The following DCTN5 variants were observed in gnomAD, a reference collection of about 807,000 sequenced individuals.
DCTN5 encodes the protein dynactin subunit 5.
A neutral mutation model predicts 23.5 loss-of-function variants in DCTN5; 14 were observed. The observed-to-expected ratio is 0.60, with a 90% confidence interval of 0.39 to 0.93. The LOEUF (loss-of-function observed/expected upper bound fraction) is 0.93, where lower values mean the gene tolerates loss of function less well. DCTN5 is among the 40% of genes least tolerant of loss of function. The pLI is 0.00. For synonymous variants in DCTN5, 67 were observed against 79.6 expected (o/e 0.84, Z 0.84); for missense variants, 156 against 225.9 (o/e 0.69, Z 1.98).
chr16:23,667,226 G>C lies in DCTN5; in HGVS notation c.*82G>C, dbSNP rs190467369. 5 of 1,557,692 alleles carry C rather than the reference G, an allele frequency of 3.2e-6. No homozygotes were observed. Among genetic ancestry groups the C allele is most frequent in the Non-Finnish European group, 4.4e-6 (5 of 1,140,596 alleles). On this transcript the variant is annotated 3_prime_UTR_variant, in exon 6 of 6. Coordinates refer to ENST00000300087, the MANE Select transcript of DCTN5 (RefSeq NM_032486.4). ...GTGAGCCAGTCAGCACCTACAAAGA[G>C]CTTTTGTGTCTTTGACATCTACCAC...
At chr16:23,653,434 A>G (rs1387438030) in intron 2 of DCTN5, among the ~76,000 whole-genome samples, 1 of 152,204 alleles carries the variant, frequency 6.6e-6, no homozygotes, top group African/African-American at 2.4e-5. Context: ...CAAACCTTCT[A>G]AAAACAAGCA....
intron 2 of DCTN5, among the ~76,000 whole-genome samples, chr16:23,658,049 G>A (rs1486844316): frequency 6.6e-6 from 1 of 152,200 alleles, no homozygotes. Flanking sequence ...GAGTTCAGAG[G>A]TTGGGAGATG....
chr16:23,643,390 A>G (rs546015081), intron 2 of DCTN5, among the ~76,000 whole-genome samples: 5 of 151,790 alleles, frequency 3.3e-5, no homozygotes, highest in Non-Finnish European at 4.4e-5. Context: ...ACAGGGTTTC[A>G]TCATGTTGGC....
intron 3 of DCTN5, 72 bp from the exon 4 acceptor site, chr16:23,661,098 G>C: frequency 1.0e-6 from 1 of 993,692 alleles, no homozygotes; most frequent in Non-Finnish European, 1.6e-6. Context: ...ATTATGATCT[G>C]TAGTTCTATA....
At position 23,661,259 on chromosome 16, in the gene DCTN5, A is replaced by C. The variant is rs1269854883; in HGVS notation, c.326A>C (p.His109Pro). 1 of 1,612,154 alleles carries C rather than the reference A, an allele frequency of 6.2e-7. No homozygotes were observed. The highest frequency in any genetic ancestry group is 1.1e-5 in the South Asian group (1 of 90,506). The stretch of plus-strand genomic sequence containing the variant: ...GCAGCACAGATTGGTTCCTATGTTC[A>C]TGTTGGGAAGAACTGTGTGATTGTG... ...VNAAQIGSYV[H>P]VGKNCVIGRR... is the part of the protein sequence containing the mutation. Residue 109 changes from histidine (H) to proline (P), a missense_variant, in exon 4 of 6, where the codon CAT becomes CCT. His to Pro is a moderately conservative substitution (Grantham distance 77). Transcript: ENST00000300087.
Position 23,674,835 on chromosome 16 carries a change from G to A in DCTN5, c.*7691G>A, listed in dbSNP as rs1450195249. ...TGCAGTTCTGGAGGCTGAAAGTCCAGGACAAGGTGTCGACAGCTTTAGATT... is the reference window on the plus strand; with the variant it reads ...TGCAGTTCTGGAGGCTGAAAGTCCAAGACAAGGTGTCGACAGCTTTAGATT... On this transcript the variant is annotated 3_prime_UTR_variant, in exon 6 of 6. Coordinates refer to ENST00000300087, the MANE Select transcript of DCTN5 (RefSeq NM_032486.4). The A allele has an allele frequency of 6.6e-6, 1 of 152,150 alleles. No homozygotes were observed. Among genetic ancestry groups the A allele is most frequent in the African/African-American group, 2.4e-5 (1 of 41,436 alleles). 9.4% of individuals were successfully genotyped at this position (152,150 alleles called of 1,614,324 possible). A position where few individuals can be genotyped will look rare whatever the true frequency, so the allele number is the denominator to read the frequency against.
In DCTN5 at chr16:23,648,922, A is replaced by T. The variant is rs541245170; in HGVS notation, c.117+5899A>T. On this transcript the variant is annotated intron_variant, in intron 2 of 5. Coordinates refer to ENST00000300087, the MANE Select transcript of DCTN5 (RefSeq NM_032486.4). ...GCCCATGCTGGAGTGCAGTGGCGTGATGTCAGCTCACTGCAACCTCTGCCT... is the reference window on the plus strand; with the variant it reads ...GCCCATGCTGGAGTGCAGTGGCGTGTTGTCAGCTCACTGCAACCTCTGCCT... Among the ~76,000 whole-genome samples the T allele has an allele frequency of 2.1e-4, 32 of 152,100 alleles. No homozygotes were observed. In the East Asian group the frequency reaches 5.8e-3, roughly 28 times the overall value.
chr16:23,665,574 C>T, intron 4 of DCTN5, 52 bp from the exon 5 acceptor site: 1 of 1,509,560 alleles, frequency 6.6e-7, no homozygotes, highest in South Asian at 1.2e-5. Context: ...TAGAAAGGAG[C>T]CTTTCACACA....
chr16:23,663,829 C>G (rs1333874107), intron 4 of DCTN5, among the ~76,000 whole-genome samples: 2 of 152,144 alleles, frequency 1.3e-5, no homozygotes, highest in African/African-American at 2.4e-5. Context: ...TCAGTCTACC[C>G]AGACAGCTTC....
rs1476934267 is a variant in DCTN5 at position 23,673,055 on chromosome 16, G to T, written c.*5911G>T. On this transcript the variant is annotated 3_prime_UTR_variant, in exon 6 of 6. Coordinates refer to ENST00000300087, the MANE Select transcript of DCTN5 (RefSeq NM_032486.4). ...AGGCAGGAGAATGGCGCGAACCCAG[G>T]GGGCGGAGCTTGCAGTGAGCTGTAA... is the stretch of plus-strand genomic sequence containing the variant. 6.6e-6 allele frequency: 1 copy of T among 151,812 alleles called. No homozygotes were observed. The highest frequency in any genetic ancestry group is 1.9e-4 in the East Asian group (1 of 5,174). 9.4% of individuals were successfully genotyped at this position (151,812 alleles called of 1,614,324 possible).
Position 23,670,034 on chromosome 16 carries a change from C to T in DCTN5, c.*2890C>T, listed in dbSNP as rs958290970. ...CTGAACCCCTACTAACTGTGAGCTC[C>T]TGAGGAGTCAGGCCTGAGTCTGTGG... On this transcript the variant is annotated 3_prime_UTR_variant, in exon 6 of 6. Coordinates refer to ENST00000300087, the MANE Select transcript of DCTN5 (RefSeq NM_032486.4). 1 of 152,178 alleles carries T rather than the reference C, an allele frequency of 6.6e-6. No individual in the cohort carries two copies. Among genetic ancestry groups the T allele is most frequent in the African/African-American group, 2.4e-5 (1 of 41,408 alleles). The allele number at this position is 152,178 out of a possible 1,614,324, so 9.4% of individuals were successfully genotyped here.
Position 23,649,760 on chromosome 16 carries a change from C to T in DCTN5, c.117+6737C>T, listed in dbSNP as rs537194036. ...GGCTGAGGCATGAGAATCACTTGAA[C>T]CCAGGAGGCAGAGGTTGTAGTGAGT... On this transcript the variant is annotated intron_variant, in intron 2 of 5. Transcript: ENST00000300087. Among the ~76,000 whole-genome samples, 5 of 151,324 alleles carry T rather than the reference C, an allele frequency of 3.3e-5. No homozygotes were observed. In the South Asian group the frequency reaches 8.4e-4, roughly 25 times the overall value.
chr16:23,645,137 A>ATTTTTTTTTTT (rs869033729), intron 2 of DCTN5, among the ~76,000 whole-genome samples: 4 of 30,802 alleles, frequency 1.3e-4, no homozygotes, highest in African/African-American at 2.6e-4. Context: ...ATATATATAT[A>ATTTTTTTTTTT]TTTTTTTTTT....
At chr16:23,666,041 G>GA in intron 5 of DCTN5, 1 of 276,066 alleles carries the variant, frequency 3.6e-6, no homozygotes, top group Admixed American at 4.9e-5. Flanking sequence ...TGATACTCAT[G>GA]TCGGGATGGA....
At chr16:23,645,120 TA>T (rs1567228443) in intron 2 of DCTN5, among the ~76,000 whole-genome samples, 1,330 of 43,028 alleles carry the variant, frequency 0.031, 130 homozygotes, top group African/African-American at 0.066. Flanking sequence ...TATATATATA[TA>T]TATATATATA....
Position 23,659,615 on chromosome 16 carries a change from G to C in DCTN5, c.236+990G>C, listed in dbSNP as rs559434205. Reference sequence around the variant, plus strand: ...TGTGATACACCTGTCACAGAGGTATGACCATGGTTAGGAAGGAACAGAGAA... The same window carrying C: ...TGTGATACACCTGTCACAGAGGTATCACCATGGTTAGGAAGGAACAGAGAA... On this transcript the variant is annotated intron_variant, in intron 3 of 5. Transcript: ENST00000300087. 5.6e-4 allele frequency among the ~76,000 whole-genome samples: 86 copies of C among 152,342 alleles called. 1 individual carries two copies. The South Asian group carries it at 0.018, about 31-fold the overall frequency.
At position 23,672,420 on chromosome 16, in the gene DCTN5, G is replaced by T. The variant is rs1354977094; in HGVS notation, c.*5276G>T. ...CAGAGAGATTAAGTACTTTCCCAAG[G>T]TCATACAGCTAGTGATGGAGGAGCT... On this transcript the variant is annotated 3_prime_UTR_variant, in exon 6 of 6. Coordinates refer to ENST00000300087, the MANE Select transcript of DCTN5 (RefSeq NM_032486.4). 1.3e-5 allele frequency: 2 copies of T among 152,174 alleles called. No homozygotes were observed. The allele number at this position is 152,174 out of a possible 1,614,324, so 9.4% of individuals were successfully genotyped here.
At chr16:23,643,442 C>T (rs1019896450) in intron 2 of DCTN5, among the ~76,000 whole-genome samples, 7 of 152,140 alleles carry the variant, frequency 4.6e-5, no homozygotes, top group Admixed American at 2.6e-4. Context: ...ATCCACCCAC[C>T]TCGGCCTCCC....
intron 2 of DCTN5, chr16:23,650,889 T>C (rs2140977400): frequency 7.1e-7 from 1 of 1,402,522 alleles, no homozygotes; most frequent in East Asian, 2.5e-5. Context: ...AATTGGAGAA[T>C]GTGACCAATC....
Sources: allele counts gnomAD v4.1 joint callset (sites outside exome capture counted in the v4.1 genomes callset), GRCh38; gene constraint gnomAD v4.1.1; transcripts MANE v1.5; gene names NCBI Gene and HGNC (gene_info 2026-07-23, HGNC 2026-07-21).